The following HHIPL1 variants were observed in gnomAD, a reference collection of about 807,000 sequenced individuals.
HHIPL1 encodes the protein HHIP-like protein 1.
A neutral mutation model predicts 61.8 loss-of-function variants in HHIPL1; 43 were observed. That is an observed-to-expected ratio of 0.70 (90% CI 0.55 to 0.90). HHIPL1 has a LOEUF of 0.90. HHIPL1 is among the 40% of genes least tolerant of loss of function. The probability of loss-of-function intolerance (pLI) is 0.00; values close to 1 mark genes in which losing one functional copy is unlikely to be tolerated. For missense variants in HHIPL1, 1,056 were observed against 1,157.7 expected, an observed-to-expected ratio of 0.91 and a Z score of 1.28; for synonymous variants, 482 against 515.8, an observed-to-expected ratio of 0.93 and a Z score of 0.89.
At position 99,652,716 on chromosome 14, in the gene HHIPL1, G is replaced by A; in HGVS notation, c.748G>A (p.Gly250Ser). Residue 250 changes from glycine (G) to serine (S), a missense_variant, in exon 2 of 9, where the codon GGC (glycine) becomes AGC (serine). Physicochemically the swap from Gly to Ser is moderately conservative, Grantham distance 56 (BLOSUM62 0). Transcript: ENST00000330710. ...LTSPWEGDERGFLGIAFHPSF... is the reference protein window; with the variant it reads ...LTSPWEGDERSFLGIAFHPSF... ...CTCGCCCTGGGAGGGTGACGAGCGT[G>A]GCTTCCTGGGCATTGCCTTCCACCC... 6.2e-7 allele frequency: 1 copy of A among 1,614,022 alleles called. No homozygotes were observed. The highest frequency in any genetic ancestry group is 8.5e-7 in the Non-Finnish European group (1 of 1,180,036).
the HHIPL1 span, among the ~76,000 whole-genome samples, chr14:99,630,908 C>T: frequency 1.3e-5 from 2 of 152,126 alleles, no homozygotes; most frequent in Non-Finnish European, 2.9e-5. Flanking sequence ...ACTGGATCTC[C>T]GCTTTCCCCT....
intron 2 of HHIPL1, among the ~76,000 whole-genome samples, 169 bp from the exon 3 acceptor site, chr14:99,656,829 AAG>A (rs2056042935): frequency 1.8e-4 from 1 of 5,688 alleles, no homozygotes; most frequent in Non-Finnish European, 9.3e-4. Flanking sequence ...GAAAGAAAGA[AAG>A]AAAGAAAGGA....
upstream of HHIPL1, among the ~76,000 whole-genome samples, chr14:99,643,287 G>A (rs999181220): frequency 3.3e-5 from 5 of 151,466 alleles, no homozygotes; most frequent in African/African-American, 7.3e-5. Context: ...TGATCCGCCC[G>A]CCTCAGCCTC....
chr14:99,652,234 C>T lies in HHIPL1; in HGVS notation c.266C>T (p.Pro89Leu), dbSNP rs150074585. The T allele has an allele frequency of 1.4e-5, 22 of 1,599,856 alleles. No individual in the cohort carries two copies. The highest frequency in any genetic ancestry group is 1.3e-4 in the East Asian group (6 of 44,652). Reference protein sequence around the residue: ...ARDLLCQECSPYAAHLYDAED... With the variant: ...ARDLLCQECSLYAAHLYDAED... ...TTACTGTCTCTGCAGGAATGCTCGC[C>T]GTATGCAGCCCACCTCTATGACGCC... is the stretch of plus-strand genomic sequence containing the variant. Residue 89 changes from proline (P) to leucine (L), a missense_variant, in exon 2 of 9, where the codon CCG becomes CTG. Physicochemically the swap from Pro to Leu is moderately conservative, Grantham distance 98 (BLOSUM62 -3). Coordinates refer to ENST00000330710, the MANE Select transcript of HHIPL1 (RefSeq NM_001127258.3).
chr14:99,649,707 G>T (rs1232218057), intron 1 of HHIPL1, among the ~76,000 whole-genome samples: 1 of 152,130 alleles, frequency 6.6e-6, no homozygotes, highest in African/African-American at 2.4e-5. Context: ...AGGTGGGGAG[G>T]ATCGTTAGAG....
the HHIPL1 span, among the ~76,000 whole-genome samples, chr14:99,610,960 C>T: frequency 6.6e-6 from 1 of 152,200 alleles, no homozygotes; most frequent in African/African-American, 2.4e-5. Flanking sequence ...AGGACATTCA[C>T]CAGCAACCCT....
In HHIPL1 at chr14:99,675,281, C is replaced by G. The variant is rs2056375315; in HGVS notation, c.2004C>G (p.Phe668Leu). 3 of 1,264,610 alleles carry G rather than the reference C, an allele frequency of 2.4e-6. No homozygotes were observed. In the East Asian group the frequency reaches 9.5e-5, roughly 40 times the overall value. The allele number at this position is 1,264,610 out of a possible 1,614,324, so 78.3% of individuals were successfully genotyped here. A position where few individuals can be genotyped will look rare whatever the true frequency, so the allele number is the denominator to read the frequency against. ...GGCTGAACTCGGCGAGCCGGGCGTT[C>G]CGGGATGGCGAGGTGCGCCTGGTGC... The part of the protein sequence containing the change: ...RGRLNSASRA[F>L]RDGEVRLVRP... The change falls in exon 9 of 9, where the codon TTC (phenylalanine) becomes TTG (leucine). Residue 668 changes from phenylalanine (F) to leucine (L), a missense_variant. Physicochemically the swap from Phe to Leu is conservative, Grantham distance 22 (BLOSUM62 0). Coordinates refer to ENST00000330710, the MANE Select transcript of HHIPL1 (RefSeq NM_001127258.3). This position sits in a 1 kb window ranked among gnomAD's most constrained non-coding sequence, Gnocchi z 5.4.
At chr14:99,606,613 G>A in the HHIPL1 span, among the ~76,000 whole-genome samples, 1 of 152,232 alleles carries the variant, frequency 6.6e-6, no homozygotes, top group East Asian at 1.9e-4. Flanking sequence ...AGCTTCCGCT[G>A]AACTTCCAAG....
At chr14:99,616,137 C>T in the HHIPL1 span, among the ~76,000 whole-genome samples, 5,153 of 152,278 alleles carry the variant, frequency 0.034, 577 homozygotes, top group East Asian at 0.29. Context: ...TCTTACTGTA[C>T]CTTTTCTATG....
At chr14:99,648,600 T>C (rs1392941823) in intron 1 of HHIPL1, among the ~76,000 whole-genome samples, 1 of 152,214 alleles carries the variant, frequency 6.6e-6, no homozygotes, top group Non-Finnish European at 1.5e-5. Context: ...GTGACTGCTG[T>C]AGAGAACTCA....
chr14:99,611,484 C>T, the HHIPL1 span, among the ~76,000 whole-genome samples: 1 of 151,978 alleles, frequency 6.6e-6, no homozygotes, highest in African/African-American at 2.4e-5. Context: ...CAGGGTTTCA[C>T]CATGTTGGTC....
chr14:99,656,311 G>T (rs529737221), intron 2 of HHIPL1, among the ~76,000 whole-genome samples: 1 of 152,288 alleles, frequency 6.6e-6, no homozygotes, highest in East Asian at 1.9e-4. Context: ...GCCAGAACGA[G>T]AAGACTTGAG....
Position 99,675,591 on chromosome 14 carries a change from G to A in HHIPL1, c.2314G>A (p.Gly772Ser). 1 of 1,531,538 alleles carries A rather than the reference G, an allele frequency of 6.5e-7. No homozygotes were observed. The highest frequency in any genetic ancestry group is 8.8e-7 in the Non-Finnish European group (1 of 1,142,806). The allele number at this position is 1,531,538 out of a possible 1,614,324, so 94.9% of individuals were successfully genotyped here. A position where few individuals can be genotyped will look rare whatever the true frequency, so the allele number is the denominator to read the frequency against. The change falls in exon 9 of 9, where the codon GGC (glycine) becomes AGC (serine). Residue 772 changes from glycine (G) to serine (S), a missense_variant. Physicochemically the swap from Gly to Ser is moderately conservative, Grantham distance 56 (BLOSUM62 0). Coordinates refer to ENST00000330710, the MANE Select transcript of HHIPL1 (RefSeq NM_001127258.3). The surrounding 1 kb of genome is among the most constrained non-coding windows in gnomAD (Gnocchi z 5.4). ...CAACTGCGAGCACGACGAGGATGCG[G>A]GCGTCGTGTGCAGCCACCAGAACCC... Reference protein sequence around the residue: ...THNCEHDEDAGVVCSHQNPDL With the variant: ...THNCEHDEDASVVCSHQNPDL
intron 3 of HHIPL1, among the ~76,000 whole-genome samples, chr14:99,657,564 A>G (rs1007431779): frequency 2.0e-5 from 3 of 152,192 alleles, no homozygotes; most frequent in Non-Finnish European, 4.4e-5. Flanking sequence ...CAGGGTGGCA[A>G]CAGCACGTGG....
Position 99,656,374 on chromosome 14 carries a change from C to T in HHIPL1, c.903-626C>T, listed in dbSNP as rs566518509. Among the ~76,000 whole-genome samples the T allele has an allele frequency of 8.5e-5, 13 of 152,310 alleles. No homozygotes were observed. The East Asian group carries it at 2.1e-3, about 25-fold the overall frequency. On this transcript the variant is annotated intron_variant, in intron 2 of 8. Coordinates refer to ENST00000330710, the MANE Select transcript of HHIPL1 (RefSeq NM_001127258.3). ...GCTGTGTGACCTTAGACAAGTTGCT[C>T]AACCTCTCTGAGCCTTTAGGTCCTC... is the stretch of plus-strand genomic sequence containing the variant.
chr14:99,659,652 A>G lies in HHIPL1; in HGVS notation c.1271A>G (p.Lys424Arg). The G allele has an allele frequency of 6.5e-7, 1 of 1,547,098 alleles. No homozygotes were observed. The highest frequency in any genetic ancestry group is 8.7e-7 in the Non-Finnish European group (1 of 1,150,912). ...TTCTGCGGCGACGTGGGCCAGAACA[A>G]GTTCGAGGAGGTGGACGTGGTGGAG... ...RLFCGDVGQN[K>R]FEEVDVVERG... is the part of the protein sequence containing the mutation. Residue 424 changes from lysine to arginine, a missense_variant, in exon 4 of 9, where the codon AAG becomes AGG. Physicochemically the swap from Lys to Arg is conservative, Grantham distance 26. Coordinates refer to ENST00000330710, the MANE Select transcript of HHIPL1 (RefSeq NM_001127258.3).
rs547697068 is a variant in HHIPL1 at position 99,668,744 on chromosome 14, C to T, written c.1730+441C>T. On this transcript the variant is annotated intron_variant, in intron 7 of 8. Transcript: ENST00000330710. This position sits in a 1 kb window ranked among gnomAD's most constrained non-coding sequence, Gnocchi z 4.7. ...ATCCCTGTGTGTCCCCGCCCCGTGC[C>T]TGCCCTTCCTCCTGTGGTCCATCTT... 2.6e-4 allele frequency: 396 copies of T among 1,508,860 alleles called. 3 individuals are homozygous for T. The African/African-American group carries it at 4.4e-3, about 17-fold the overall frequency. 93.5% of individuals were successfully genotyped at this position (1,508,860 alleles called of 1,614,324 possible).
chr14:99,627,195 CCCATCCATCCATCCAT>C, the HHIPL1 span, among the ~76,000 whole-genome samples: 413 of 147,574 alleles, frequency 2.8e-3, 4 homozygotes, highest in African/African-American at 9.3e-3. The surrounding 1 kb of genome is among the most constrained non-coding windows in gnomAD (Gnocchi z 4.4). Flanking sequence ...CTTCTATCTT[CCCATCCATCCATCCAT>C]CCATCCATCC....
the HHIPL1 span, among the ~76,000 whole-genome samples, chr14:99,615,529 G>A: frequency 0.018 from 2,779 of 151,958 alleles, 80 homozygotes; most frequent in African/African-American, 0.064. Context: ...GGGTGGCAGA[G>A]TGAGACTCTG....
Sources: gnomAD v4.1 joint callset for allele counts (sites outside exome capture counted in the v4.1 genomes callset) on GRCh38, gnomAD v4.1.1 for gene constraint, Gnocchi (gnomAD v3.1) non-coding constraint, MANE v1.5 for transcripts, NCBI Gene and HGNC (gene_info 2026-07-23, HGNC 2026-07-21) for gene names.